GLUD1: variants seen among roughly 807,000 people sequenced by gnomAD.
GLUD1 encodes the protein glutamate dehydrogenase 1, mitochondrial.
Under a neutral mutation model 56.0 loss-of-function variants are expected in GLUD1, and 22 were observed. The observed-to-expected ratio is 0.39, with a 90% CI of 0.28 to 0.56. The LOEUF is 0.56. GLUD1 is among the 20% of genes least tolerant of loss of function. GLUD1 has a pLI of 0.58. For synonymous variants in GLUD1, 223 were observed against 269.9 expected (o/e 0.83, Z 1.70); for missense variants, 451 against 732.0 (o/e 0.62, Z 4.43).
At position 87,060,971 on chromosome 10, in the gene GLUD1, C is replaced by T. The variant is rs776486115; in HGVS notation, c.1003G>A (p.Gly335Arg). The change falls in exon 7 of 13, where the codon GGG (glycine) becomes AGG (arginine). Residue 335 changes from glycine (G) to arginine (R), a missense_variant. Gly to Arg is a moderately radical substitution (Grantham distance 125, BLOSUM62 -2). Transcript: ENST00000277865. ...ATACCATCTGGATTCCATATACTCC[C>T]ATCAGACTCACCAACAGCAATACAT... ...AKCIAVGESDGSIWNPDGIDP... is the reference protein window; with the variant it reads ...AKCIAVGESDRSIWNPDGIDP... 6.2e-7 allele frequency: 1 copy of T among 1,613,938 alleles called. No homozygotes were observed. The highest frequency in any genetic ancestry group is 1.7e-5 in the Admixed American group (1 of 59,982).
At chr10:87,057,115 C>T (rs528134599) in intron 11 of GLUD1, among the ~76,000 whole-genome samples, 1 of 152,266 alleles carries the variant, frequency 6.6e-6, no homozygotes, top group East Asian at 1.9e-4. Context: ...CTTAGCCTCC[C>T]AAGTAGCTGG....
Position 87,074,541 on chromosome 10 carries a change from C to A in GLUD1, c.646+10G>T. On this transcript the variant is annotated intron_variant, in intron 4 of 12. Transcript: ENST00000277865. ...CCACTTTATACCAAAAACTATGTGG[C>A]TACACATACCAATAAAGCCCTTTTT... 6.6e-7 allele frequency: 1 copy of A among 1,510,898 alleles called. No individual in the cohort carries two copies. Among genetic ancestry groups the A allele is most frequent in the African/African-American group, 1.4e-5 (1 of 72,856 alleles). 93.6% of individuals were successfully genotyped at this position (1,510,898 alleles called of 1,614,324 possible).
At chr10:87,072,922 A>G (rs1319719869) in intron 4 of GLUD1, among the ~76,000 whole-genome samples, 1 of 152,182 alleles carries the variant, frequency 6.6e-6, no homozygotes, top group Admixed American at 6.5e-5. Flanking sequence ...GAGATAGTTA[A>G]CTCATATTAA....
Position 87,051,363 on chromosome 10 carries a change from T to A in GLUD1, c.*388A>T. The A allele has an allele frequency of 3.2e-6, 1 of 316,576 alleles. No individual in the cohort carries two copies. Among genetic ancestry groups the A allele is most frequent in the East Asian group, 7.9e-5 (1 of 12,738 alleles). 19.6% of individuals were successfully genotyped at this position (316,576 alleles called of 1,614,324 possible). ...CACCTACTTCTTAAATGTGTTAAAGTTACAGTGTGTCCCAGACTCATCCAG... is the reference window on the plus strand; with the variant it reads ...CACCTACTTCTTAAATGTGTTAAAGATACAGTGTGTCCCAGACTCATCCAG... On this transcript the variant is annotated 3_prime_UTR_variant, in exon 13 of 13. Transcript: ENST00000277865.
At position 87,081,129 on chromosome 10, in the gene GLUD1, C is replaced by T. The variant is rs539164128; in HGVS notation, c.446-4473G>A. ...CGGGAGGTGAGGGGGCGCCTCTGCC[C>T]GGCCGCCCCTACTGGGAAGTGAGGA... On this transcript the variant is annotated intron_variant, in intron 1 of 12. Coordinates refer to ENST00000277865, the MANE Select transcript of GLUD1 (RefSeq NM_005271.5). Among the ~76,000 whole-genome samples the T allele has an allele frequency of 4.9e-4, 69 of 141,278 alleles. 1 individual carries two copies. In the South Asian group the frequency reaches 9.7e-3, roughly 20 times the overall value. 92.7% of individuals were successfully genotyped at this position (141,278 alleles called of 152,430 possible).
Position 87,050,228 on chromosome 10 carries a change from C to T in GLUD1, c.*1523G>A, listed in dbSNP as rs760448125. Reference sequence around the variant, plus strand: ...GCTGTTCATATTATTTAATAAAATACAAAATAATTCGAGAATAAAGACTAT... The same window carrying T: ...GCTGTTCATATTATTTAATAAAATATAAAATAATTCGAGAATAAAGACTAT... On this transcript the variant is annotated 3_prime_UTR_variant, in exon 13 of 13. Transcript: ENST00000277865. Among the ~76,000 whole-genome samples the T allele has an allele frequency of 6.7e-6, 1 of 150,010 alleles. No individual in the cohort carries two copies. Among genetic ancestry groups the T allele is most frequent in the African/African-American group, 2.5e-5 (1 of 40,650 alleles).
At chr10:87,079,944 C>G in intron 1 of GLUD1, among the ~76,000 whole-genome samples, 1 of 130,106 alleles carries the variant, frequency 7.7e-6, no homozygotes, top group East Asian at 2.2e-4. Flanking sequence ...CCCTCTCCCT[C>G]TCCCCACGGT....
At chr10:87,091,534 G>C (rs1456707635) in intron 1 of GLUD1, 3 of 546,062 alleles carry the variant, frequency 5.5e-6, no homozygotes, top group Non-Finnish European at 7.0e-6. Flanking sequence ...TATTTTTAAG[G>C]CCTCACTTAA....
At chr10:87,052,535 T>A (rs1401678884) in intron 12 of GLUD1, among the ~76,000 whole-genome samples, 1 of 151,660 alleles carries the variant, frequency 6.6e-6, no homozygotes, top group African/African-American at 2.4e-5. Flanking sequence ...TTGGGCATGG[T>A]GGCTCATGCC....
At chr10:87,081,473 A>G (rs925686019) in intron 1 of GLUD1, among the ~76,000 whole-genome samples, 4 of 152,244 alleles carry the variant, frequency 2.6e-5, no homozygotes, top group Admixed American at 6.5e-5. Flanking sequence ...AGAACGGGCC[A>G]TGATGACAAT....
At position 87,057,596 on chromosome 10, in the gene GLUD1, G is replaced by C; in HGVS notation, c.1494+95C>G. 5.1e-6 allele frequency: 4 copies of C among 787,508 alleles called. No homozygotes were observed. In the Admixed American group the frequency reaches 5.1e-5, roughly 10 times the overall value. 48.8% of individuals were successfully genotyped at this position (787,508 alleles called of 1,614,324 possible). A position where few individuals can be genotyped will look rare whatever the true frequency, so the allele number is the denominator to read the frequency against. On this transcript the variant is annotated intron_variant, in intron 11 of 12. Coordinates refer to ENST00000277865, the MANE Select transcript of GLUD1 (RefSeq NM_005271.5). ...CACTTACTGTCAAGCTAATTACAAA[G>C]ACTATGCCGCAGATGAAATCCATCT... is the stretch of plus-strand genomic sequence containing the variant.
At chr10:87,083,240 G>C (rs201551586) in intron 1 of GLUD1, among the ~76,000 whole-genome samples, 2 of 142,784 alleles carry the variant, frequency 1.4e-5, no homozygotes, top group African/African-American at 5.2e-5. Flanking sequence ...AAAAAAGTAA[G>C]AATATGACTG....
chr10:87,059,004 G>T (rs1845861602), intron 10 of GLUD1, 146 bp downstream of exon 10: 1 of 904,080 alleles, frequency 1.1e-6, no homozygotes, highest in Admixed American at 1.9e-5. Flanking sequence ...TGCATTTTTG[G>T]TCTAAGTTTC....
Position 87,094,189 on chromosome 10 carries a change from G to T in GLUD1, c.445+136C>A. Reference sequence around the variant, plus strand: ...ACAGAGCCGGCCACATCCGAGGCGGGGTGACCCGGGCGGGGACCCGGCCCG... The same window carrying T: ...ACAGAGCCGGCCACATCCGAGGCGGTGTGACCCGGGCGGGGACCCGGCCCG... On this transcript the variant is annotated intron_variant, in intron 1 of 12. Transcript: ENST00000277865. The surrounding 1 kb of genome is among the most constrained non-coding windows in gnomAD (Gnocchi z 6.6). 1 of 1,386,416 alleles carries T rather than the reference G, an allele frequency of 7.2e-7. No homozygotes were observed. Among genetic ancestry groups the T allele is most frequent in the Non-Finnish European group, 9.6e-7 (1 of 1,043,766 alleles). 85.9% of individuals were successfully genotyped at this position (1,386,416 alleles called of 1,614,324 possible).
rs1051680759 is a variant in GLUD1, at chr10:87,050,759, A to T, written c.*992T>A. On this transcript the variant is annotated 3_prime_UTR_variant, in exon 13 of 13. Transcript: ENST00000277865. ...CAAAGCCTCTAAAAGGAGAGGATAC[A>T]AAGTCAGGTGAGTAGGGGCCATTGG... 6.6e-6 allele frequency: 1 copy of T among 152,240 alleles called. No homozygotes were observed. Among genetic ancestry groups the T allele is most frequent in the African/African-American group, 2.4e-5 (1 of 41,468 alleles). 9.4% of individuals were successfully genotyped at this position (152,240 alleles called of 1,614,324 possible). A position where few individuals can be genotyped will look rare whatever the true frequency, so the allele number is the denominator to read the frequency against.
At chr10:87,074,249 C>T (rs868187587) in intron 4 of GLUD1, among the ~76,000 whole-genome samples, 6 of 152,088 alleles carry the variant, frequency 3.9e-5, no homozygotes, top group African/African-American at 1.4e-4. Flanking sequence ...ATCTGTAATA[C>T]CAGCAGTTTG....
In GLUD1 at chr10:87,094,106, C is replaced by T; in HGVS notation, c.445+219G>A. 1 of 1,503,006 alleles carries T rather than the reference C, an allele frequency of 6.7e-7. No individual in the cohort carries two copies. Among genetic ancestry groups the T allele is most frequent in the East Asian group, 2.5e-5 (1 of 39,924 alleles). The allele number at this position is 1,503,006 out of a possible 1,614,324, so 93.1% of individuals were successfully genotyped here. A position where few individuals can be genotyped will look rare whatever the true frequency, so the allele number is the denominator to read the frequency against. ...CATATACAGAGGCCCGGGGTGACGG[C>T]GCGGGGGAGGGGGCAGGCCAATCGC... On this transcript the variant is annotated intron_variant, in intron 1 of 12. Coordinates refer to ENST00000277865, the MANE Select transcript of GLUD1 (RefSeq NM_005271.5). The surrounding 1 kb of genome is among the most constrained non-coding windows in gnomAD (Gnocchi z 6.6).
At chr10:87,087,578 C>T (rs574205180) in intron 1 of GLUD1, among the ~76,000 whole-genome samples, 4 of 152,256 alleles carry the variant, frequency 2.6e-5, no homozygotes, top group South Asian at 2.1e-4. Flanking sequence ...CAGGAATTTG[C>T]GACATTCAGG....
intron 1 of GLUD1, among the ~76,000 whole-genome samples, chr10:87,087,168 C>T (rs188569870): frequency 1.3e-3 from 195 of 152,268 alleles, no homozygotes; most frequent in Middle Eastern, 3.4e-3. Context: ...CTCAGGGAAA[C>T]GTTACTTATG....
Sources: allele counts gnomAD v4.1 joint callset (sites outside exome capture counted in the v4.1 genomes callset), GRCh38; gene constraint gnomAD v4.1.1; non-coding constraint Gnocchi (gnomAD v3.1); transcripts MANE v1.5; gene names NCBI Gene and HGNC (gene_info 2026-07-23, HGNC 2026-07-21).